Variants in RIMS1 observed in about 807,000 individuals in gnomAD.
The protein encoded by RIMS1 is regulating synaptic membrane exocytosis 1, also known as regulating synaptic membrane exocytosis protein 1.
Under a neutral mutation model 214.1 loss-of-function variants are expected in RIMS1, and 83 were observed. The ratio of observed to expected loss-of-function variants is 0.39; its 90% CI spans 0.32 to 0.47. The LOEUF is 0.47. Ranked by LOEUF, RIMS1 falls within the 20% of genes least tolerant of loss-of-function variation. The pLI, the probability that RIMS1 is intolerant of heterozygous loss-of-function variation, is 0.99. For synonymous variants in RIMS1, 793 were observed against 786.8 expected (o/e 1.01, Z -0.13); for missense variants, 2,050 against 2,161.8 (o/e 0.95, Z 1.03).
At chr6:71,942,619 C>G (rs1786520081) in intron 1 of RIMS1, among the ~76,000 whole-genome samples, 1 of 151,840 alleles carries the variant, frequency 6.6e-6, no homozygotes, top group Admixed American at 6.6e-5. Flanking sequence ...CTTTTAGATT[C>G]CTGGAGGGTT....
intron 26 of RIMS1, among the ~76,000 whole-genome samples, chr6:72,305,610 C>G (rs1042718800): frequency 2.6e-5 from 4 of 152,070 alleles, no homozygotes; most frequent in Admixed American, 6.6e-5. Context: ...AAATATAACT[C>G]ACATTTTTCA....
At chr6:72,148,782 G>A (rs1209543335) in intron 4 of RIMS1, among the ~76,000 whole-genome samples, 2 of 151,490 alleles carry the variant, frequency 1.3e-5, no homozygotes, top group Admixed American at 6.6e-5. Context: ...AGGTGCCTCA[G>A]TAGGGTACAC....
intron 1 of RIMS1, among the ~76,000 whole-genome samples, chr6:71,917,326 C>T (rs1778714334): frequency 6.6e-6 from 1 of 152,088 alleles, no homozygotes. Flanking sequence ...GTAGGATTGT[C>T]AGGAAAGCCT....
At chr6:72,119,337 T>A in intron 4 of RIMS1, among the ~76,000 whole-genome samples, 1 of 151,710 alleles carries the variant, frequency 6.6e-6, no homozygotes, top group East Asian at 1.9e-4. Flanking sequence ...TGAAAACACA[T>A]CCCATGCTCA....
intron 6 of RIMS1, among the ~76,000 whole-genome samples, chr6:72,232,990 T>C (rs949489995): frequency 1.3e-5 from 2 of 151,790 alleles, no homozygotes; most frequent in African/African-American, 4.8e-5. Flanking sequence ...AATCTGATGT[T>C]GAAAATTTAA....
intron 1 of RIMS1, among the ~76,000 whole-genome samples, chr6:71,943,783 G>A (rs180853874): frequency 5.3e-5 from 8 of 152,174 alleles, no homozygotes; most frequent in East Asian, 1.9e-4. Flanking sequence ...TCAGCTTTCC[G>A]ATGGCGTATT....
At chr6:71,974,164 T>G (rs4707957) in intron 2 of RIMS1, among the ~76,000 whole-genome samples, 130,861 of 152,162 alleles carry the variant, frequency 0.86, 56,425 homozygotes, top group East Asian at 1. Flanking sequence ...TGCCAATGGT[T>G]GCTAAACTCT....
At chr6:72,010,425 A>C (rs2151847352) in intron 2 of RIMS1, among the ~76,000 whole-genome samples, 1 of 152,364 alleles carries the variant, frequency 6.6e-6, no homozygotes. Flanking sequence ...GGCACAAGAC[A>C]GGGATGCCCT....
intron 27 of RIMS1, among the ~76,000 whole-genome samples, chr6:72,309,824 T>C (rs2095421641): frequency 6.6e-6 from 1 of 152,020 alleles, no homozygotes; most frequent in African/African-American, 2.4e-5. Context: ...CCTTTTCTTA[T>C]ATGTCAAGTA....
At chr6:72,201,601 T>C (rs986400108) in intron 6 of RIMS1, among the ~76,000 whole-genome samples, 1 of 152,208 alleles carries the variant, frequency 6.6e-6, no homozygotes, top group Non-Finnish European at 1.5e-5. Context: ...AACATGGGTA[T>C]TGAGATCTGC....
At chr6:72,081,057 G>A (rs1833259049) in intron 2 of RIMS1, among the ~76,000 whole-genome samples, 1 of 152,088 alleles carries the variant, frequency 6.6e-6, no homozygotes, top group Admixed American at 6.5e-5. Context: ...TACGTTTCCT[G>A]GGCTACTCCA....
intron 4 of RIMS1, among the ~76,000 whole-genome samples, chr6:72,170,447 G>A (rs373504537): frequency 1.5e-4 from 23 of 152,208 alleles, no homozygotes; most frequent in East Asian, 7.7e-4. Context: ...AGGTTCAAGC[G>A]ATGCTCCTGC....
chr6:71,936,391 C>T (rs780555556), intron 1 of RIMS1, among the ~76,000 whole-genome samples: 1 of 147,468 alleles, frequency 6.8e-6, no homozygotes, highest in Non-Finnish European at 1.5e-5. Context: ...TTATAAGGGA[C>T]TGATGACTGT....
rs753812069 is a variant in RIMS1, at chr6:71,888,489, C to G, written c.164+1302C>G. On this transcript the variant is annotated intron_variant, in intron 1 of 33. Coordinates refer to ENST00000521978, the MANE Select transcript of RIMS1 (RefSeq NM_014989.7). ...AGCACATTCTGCATGGCCTCTCCCC[C>G]ACCCCCTAGAAGTGCCTCCTCGAGA... Among the ~76,000 whole-genome samples, 15 of 152,302 alleles carry G rather than the reference C, an allele frequency of 9.8e-5. 1 individual carries two copies. The highest frequency in any genetic ancestry group is 2.9e-4 in the African/African-American group (12 of 41,552).
chr6:72,257,731 T>A (rs2154152517), intron 16 of RIMS1, among the ~76,000 whole-genome samples: 1 of 152,296 alleles, frequency 6.6e-6, no homozygotes, highest in Admixed American at 6.5e-5. Context: ...TTATTTAAAT[T>A]TAAAGAGACT....
chr6:72,270,286 ATATT>A (rs202121375), intron 22 of RIMS1, among the ~76,000 whole-genome samples: 5,076 of 152,300 alleles, frequency 0.033, 273 homozygotes, highest in African/African-American at 0.12. Context: ...TGGGGGAAAA[ATATT>A]TAAGGACTAA....
intron 28 of RIMS1, among the ~76,000 whole-genome samples, chr6:72,320,087 TTTAAC>T (rs1381401715): frequency 2.6e-5 from 4 of 152,146 alleles, no homozygotes; most frequent in Non-Finnish European, 4.4e-5. Context: ...ATTACTAATA[TTTAAC>T]TTATCCACTT....
chr6:71,992,624 TTCTTCCTCTTCTTCC>T (rs1218436191), intron 2 of RIMS1, among the ~76,000 whole-genome samples: 17 of 148,314 alleles, frequency 1.1e-4, no homozygotes, highest in Non-Finnish European at 2.4e-4. Context: ...CTTCTTCTTC[TTCTTCCTCTTCTTCC>T]TCTTCCTCTT....
Position 72,301,105 on chromosome 6 carries a change from A to G in RIMS1, c.3851-6153A>G, listed in dbSNP as rs866656499. On this transcript the variant is annotated intron_variant, in intron 26 of 33. Transcript: ENST00000521978. ...ATTGGTAGATGATGGGTAAATGTTT[A>G]TTTTATTGGTAGATGCTGGATAGAT... Among the ~76,000 whole-genome samples the G allele has an allele frequency of 2.6e-5, 4 of 151,556 alleles. No individual in the cohort carries two copies. The South Asian group carries it at 8.3e-4, about 31-fold the overall frequency.
Sources: allele counts gnomAD v4.1 joint callset (sites outside exome capture counted in the v4.1 genomes callset), GRCh38; gene constraint gnomAD v4.1.1; transcripts MANE v1.5; gene names NCBI Gene and HGNC (gene_info 2026-07-23, HGNC 2026-07-21).